TANC2: variants seen among roughly 807,000 people sequenced by gnomAD.
TANC2 encodes the protein protein TANC2.
A neutral mutation model predicts 210.5 loss-of-function variants in TANC2; 26 were observed. That is an observed-to-expected ratio of 0.12 (90% CI 0.09 to 0.17). The LOEUF (loss-of-function observed/expected upper bound fraction) is 0.17. Among genes scored for constraint, TANC2 ranks in the 10% least tolerant of loss-of-function variants. The pLI is 1.00. For missense variants in TANC2, 2,129 were observed against 2,608.9 expected (o/e 0.82, Z 4.01); for synonymous variants, 931 against 967.1 (o/e 0.96, Z 0.69).
chr17:63,210,370 T>G (rs2041847562), intron 7 of TANC2, among the ~76,000 whole-genome samples: 1 of 152,212 alleles, frequency 6.6e-6, no homozygotes, highest in African/African-American at 2.4e-5. Context: ...AAATCTTACT[T>G]TCTTCATGAA....
intron 5 of TANC2, among the ~76,000 whole-genome samples, chr17:63,168,737 G>C (rs1193865920): frequency 6.6e-6 from 1 of 152,122 alleles, no homozygotes; most frequent in East Asian, 1.9e-4. Context: ...CTTTGCTATG[G>C]CTTAGTGGGA....
In TANC2 at chr17:63,047,134, C is replaced by CA. The variant is rs568092561; in HGVS notation, c.68-26808dup. On this transcript the variant is annotated intron_variant, in intron 2 of 27. Transcript: ENST00000689528. ...TTTTAGGTGAAAACTGTTTTATCCC[C>CA]ACTCCTTAGGTATACAGTAGTTGTT... is the stretch of plus-strand genomic sequence containing the variant. 4.1e-3 allele frequency among the ~76,000 whole-genome samples: 619 copies of CA among 152,248 alleles called. 2 individuals carry two copies. The highest frequency in any genetic ancestry group is 0.02 in the Middle Eastern group (6 of 294).
intron 6 of TANC2, among the ~76,000 whole-genome samples, chr17:63,199,579 A>G (rs980818429): frequency 1.3e-5 from 2 of 151,650 alleles, no homozygotes; most frequent in Non-Finnish European, 2.9e-5. Context: ...AGATTGTGCC[A>G]TTGCACTCCA....
At chr17:63,306,571 T>C (rs915248223) in intron 9 of TANC2, among the ~76,000 whole-genome samples, 3 of 152,176 alleles carry the variant, frequency 2.0e-5, no homozygotes, top group Non-Finnish European at 2.9e-5. Flanking sequence ...AGAATAAATA[T>C]TGTTAGATTG....
chr17:63,349,040 C>A (rs1386077325), intron 12 of TANC2, among the ~76,000 whole-genome samples: 3 of 152,020 alleles, frequency 2.0e-5, no homozygotes, highest in Admixed American at 2.0e-4. Context: ...GCCCTCCTTA[C>A]TTCCTAAGTG....
intron 26 of TANC2, among the ~76,000 whole-genome samples, chr17:63,416,254 C>T (rs2048858068): frequency 6.6e-6 from 1 of 152,154 alleles, no homozygotes; most frequent in South Asian, 2.1e-4. Flanking sequence ...TCCTTCCTGC[C>T]TACCTTGCAG....
intron 2 of TANC2, among the ~76,000 whole-genome samples, chr17:63,066,458 T>A (rs2036200753): frequency 6.6e-6 from 1 of 151,944 alleles, no homozygotes; most frequent in African/African-American, 2.4e-5. Context: ...TAGGTTTACA[T>A]TGTAGTTCAA....
intron 18 of TANC2, among the ~76,000 whole-genome samples, chr17:63,397,956 G>A (rs1198834765): frequency 6.6e-6 from 1 of 152,154 alleles, no homozygotes; most frequent in African/African-American, 2.4e-5. Flanking sequence ...TATCAATTGA[G>A]CTGACATGTC....
rs372846249 is a variant in TANC2 at position 63,200,880 on chromosome 17, C to A, written c.692C>A (p.Ala231Glu). The change falls in exon 7 of 28, where the codon GCA becomes GAA. Residue 231 changes from alanine (A) to glutamate (E), a missense_variant. Ala to Glu is a moderately radical substitution (Grantham distance 107). Coordinates refer to ENST00000689528, the Ensembl canonical transcript of TANC2. ...ACACTCCCACCCATCAGTACAAATGCAACTGCCAAGGACTGCAGCTATGGG... is the reference window on the plus strand; with the variant it reads ...ACACTCCCACCCATCAGTACAAATGAAACTGCCAAGGACTGCAGCTATGGG... The A allele has an allele frequency of 8.6e-5, 138 of 1,613,778 alleles. No homozygotes were observed. The highest frequency in any genetic ancestry group is 1.1e-4 in the Non-Finnish European group (131 of 1,179,830).
chr17:63,424,068 A>AG (rs1310946174), exon 28 of TANC2: 3 of 152,226 alleles, frequency 2.0e-5, no homozygotes, highest in Non-Finnish European at 4.4e-5. Flanking sequence ...CCTCTCGCTG[A>AG]GGAGCCACTG....
intron 5 of TANC2, among the ~76,000 whole-genome samples, chr17:63,176,588 A>G (rs764860631): frequency 7.3e-5 from 11 of 151,668 alleles, no homozygotes; most frequent in Admixed American, 6.6e-4. Context: ...GACGGATCAC[A>G]AGGTCAGAAG....
intron 14 of TANC2, among the ~76,000 whole-genome samples, chr17:63,376,687 A>G (rs2047434242): frequency 6.6e-6 from 1 of 152,160 alleles, no homozygotes; most frequent in East Asian, 1.9e-4. Flanking sequence ...ACCATAATAG[A>G]AAGGAAGTTA....
intron 2 of TANC2, among the ~76,000 whole-genome samples, chr17:63,019,582 T>G (rs1252260905): frequency 2.0e-5 from 3 of 152,156 alleles, no homozygotes; most frequent in African/African-American, 7.2e-5. Context: ...ATAATTTTTA[T>G]TTATTTGTAT....
intron 5 of TANC2, among the ~76,000 whole-genome samples, chr17:63,157,885 G>T (rs1426271487): frequency 6.6e-6 from 1 of 152,060 alleles, no homozygotes; most frequent in Non-Finnish European, 1.5e-5. Flanking sequence ...AAAGTGATGG[G>T]ATTACAGGAG....
At chr17:63,313,962 C>T (rs1305300600) in intron 9 of TANC2, among the ~76,000 whole-genome samples, 2 of 152,196 alleles carry the variant, frequency 1.3e-5, no homozygotes, top group African/African-American at 4.8e-5. Flanking sequence ...ACAGCCTGGC[C>T]TTTCCAACAG....
At chr17:63,267,777 G>T in exon 9 of TANC2, 1 of 1,612,988 alleles carries the variant, frequency 6.2e-7, no homozygotes, top group Non-Finnish European at 8.5e-7. Flanking sequence ...GGAAGACCTT[G>T]CTTACCTGGA....
exon 28 of TANC2, chr17:63,423,758 T>G (rs2049079673): frequency 6.6e-6 from 1 of 152,210 alleles, no homozygotes; most frequent in Non-Finnish European, 1.5e-5. Flanking sequence ...CCAGGACTTG[T>G]CTCTGTGCTG....
At chr17:63,235,407 C>G (rs2042593621) in intron 7 of TANC2, among the ~76,000 whole-genome samples, 2 of 151,968 alleles carry the variant, frequency 1.3e-5, no homozygotes, top group African/African-American at 4.8e-5. Flanking sequence ...CATAAGGTTT[C>G]CAAAGGGTTC....
At position 63,239,667 on chromosome 17, in the gene TANC2, A is replaced by G. The variant is rs146927320; in HGVS notation, c.1033+1590A>G. ...ATCCTAGGACCTTCTAACTATGTCA[A>G]TCCCCAACTACCATGTCATATTAGA... On this transcript the variant is annotated intron_variant, in intron 8 of 27. Transcript: ENST00000689528. Among the ~76,000 whole-genome samples, 114 of 152,296 alleles carry G rather than the reference A, an allele frequency of 7.5e-4. 1 individual carries two copies. The highest frequency in any genetic ancestry group is 1.3e-3 in the Non-Finnish European group (91 of 68,022).
Sources: gnomAD v4.1 joint callset for allele counts (sites outside exome capture counted in the v4.1 genomes callset) on GRCh38, gnomAD v4.1.1 for gene constraint, MANE v1.5 for transcripts, NCBI Gene and HGNC (gene_info 2026-07-23, HGNC 2026-07-21) for gene names.